The following MYOM1 variants were observed in gnomAD, a reference collection of about 807,000 sequenced individuals.
MYOM1 encodes the protein myomesin-1.
A neutral mutation model predicts 205.3 loss-of-function variants in MYOM1; 164 were observed. The observed-to-expected ratio is 0.80, with a 90% CI of 0.70 to 0.91. MYOM1 has a LOEUF of 0.91. Among genes scored for constraint, MYOM1 ranks in the 40% least tolerant of loss-of-function variants. MYOM1 has a pLI of 0.00. For synonymous variants in MYOM1, 772 were observed against 789.4 expected (o/e 0.98, Z 0.37); for missense variants, 2,011 against 2,127.3 (o/e 0.95, Z 1.08).
chr18:3,086,000 G>A (rs1308569207), intron 30 of MYOM1, 38 bp downstream of exon 30: 1 of 1,302,092 alleles, frequency 7.7e-7, no homozygotes, highest in South Asian at 1.2e-5. Flanking sequence ...AGAGGGTAGA[G>A]AGCTAATATA....
intron 36 of MYOM1, among the ~76,000 whole-genome samples, chr18:3,074,128 A>C (rs1349656002): frequency 1.3e-5 from 2 of 152,230 alleles, no homozygotes; most frequent in Non-Finnish European, 2.9e-5. Context: ...GAATCTGGAA[A>C]GACAGAAAAC....
chr18:3,151,962 C>A, intron 11 of MYOM1, 69 bp from the exon 12 acceptor site: 1 of 1,454,036 alleles, frequency 6.9e-7, no homozygotes, highest in Non-Finnish European at 9.4e-7. Context: ...TCCAGAGCTG[C>A]AGAATCACCC....
At chr18:3,126,659 C>A in intron 19 of MYOM1, 42 bp downstream of exon 19, 1 of 1,568,100 alleles carries the variant, frequency 6.4e-7, no homozygotes. Flanking sequence ...AGCATAGCGT[C>A]ATACATAGGA....
intron 31 of MYOM1, 112 bp from the exon 32 acceptor site, chr18:3,084,139 A>G (rs2079122561): frequency 2.6e-6 from 3 of 1,173,358 alleles, no homozygotes; most frequent in Non-Finnish European, 2.5e-6. Flanking sequence ...GGAAATGGAA[A>G]CAAGGTGAAT....
chr18:3,164,021 C>CAA (rs1555625522), intron 10 of MYOM1, among the ~76,000 whole-genome samples: 1,810 of 118,760 alleles, frequency 0.015, 41 homozygotes, highest in African/African-American at 0.052. Flanking sequence ...CCCAGCTAAT[C>CAA]AAAAAAATTT....
intron 10 of MYOM1, among the ~76,000 whole-genome samples, chr18:3,155,927 A>G (rs2080295425): frequency 6.6e-6 from 1 of 152,224 alleles, no homozygotes; most frequent in Non-Finnish European, 1.5e-5. Context: ...ACACTTAGGA[A>G]AAGAACTCCA....
intron 2 of MYOM1, among the ~76,000 whole-genome samples, chr18:3,195,144 T>C (rs977519625): frequency 6.6e-6 from 1 of 152,140 alleles, no homozygotes; most frequent in Non-Finnish European, 1.5e-5. Context: ...TGGTACAAAA[T>C]GGATATATGA....
the MYOM1 span, among the ~76,000 whole-genome samples, chr18:3,228,361 A>G: frequency 1.3e-5 from 2 of 152,208 alleles, no homozygotes; most frequent in African/African-American, 2.4e-5. The surrounding 1 kb of genome is among the most constrained non-coding windows in gnomAD (Gnocchi z 4.5). Flanking sequence ...TCTGTCTTCA[A>G]AGGCTGTTCA....
intron 2 of MYOM1, among the ~76,000 whole-genome samples, chr18:3,195,734 G>A (rs571848553): frequency 6.6e-6 from 1 of 151,998 alleles, no homozygotes; most frequent in East Asian, 1.9e-4. Context: ...TCATTGCATT[G>A]CTCCTTTTTC....
chr18:3,098,964 T>A (rs1174619635), intron 25 of MYOM1, among the ~76,000 whole-genome samples: 3 of 152,186 alleles, frequency 2.0e-5, no homozygotes, highest in Admixed American at 2.0e-4. Flanking sequence ...GGTTAGTTTT[T>A]GTTTTTAGAG....
At chr18:3,105,362 A>G (rs77619381) in intron 22 of MYOM1, among the ~76,000 whole-genome samples, 3,099 of 152,338 alleles carry the variant, frequency 0.02, 65 homozygotes, top group Non-Finnish European at 0.028. Flanking sequence ...ACTGCATCCA[A>G]GAAGGATGAA....
chr18:3,083,880 C>A lies in MYOM1; in HGVS notation c.4393G>T (p.Asp1465Tyr). 5.7e-6 allele frequency: 9 copies of A among 1,581,098 alleles called. No individual in the cohort carries two copies. The highest frequency in any genetic ancestry group is 6.9e-6 in the Non-Finnish European group (8 of 1,162,018). Residue 1465 changes from aspartate (D) to tyrosine (Y), a missense_variant, in exon 33 of 38, where the codon GAC (aspartate) becomes TAC (tyrosine). Coordinates refer to ENST00000356443, the MANE Select transcript of MYOM1 (RefSeq NM_003803.4). ...VCKKIALSAT[D>Y]LKIQSTAEGI... ...TCGGCTGTGCTCTGGATTTTCAGGTCTGTAGCAGACAAAGCTGAAAGAAGA... is the reference window on the plus strand; with the variant it reads ...TCGGCTGTGCTCTGGATTTTCAGGTATGTAGCAGACAAAGCTGAAAGAAGA...
In MYOM1 at chr18:3,129,496, A is replaced by T; in HGVS notation, c.2530T>A (p.Cys844Ser). 6.2e-7 allele frequency: 1 copy of T among 1,613,264 alleles called. No individual in the cohort carries two copies. Among genetic ancestry groups the T allele is most frequent in the Non-Finnish European group, 8.5e-7 (1 of 1,179,488 alleles). ...AIGGGVSPDV[C>S]PALSDEPGGL... ...CCAGGCTCATCGCTCAGTGCGGGACACACATCTGGAGACACTCCTCCCCCT... is the reference window on the plus strand; with the variant it reads ...CCAGGCTCATCGCTCAGTGCGGGACTCACATCTGGAGACACTCCTCCCCCT... The change falls in exon 18 of 38, where the codon TGT becomes AGT. Residue 844 changes from cysteine (C) to serine (S), a missense_variant. Coordinates refer to ENST00000356443, the MANE Select transcript of MYOM1 (RefSeq NM_003803.4).
intron 8 of MYOM1, among the ~76,000 whole-genome samples, chr18:3,170,055 G>A (rs1049340359): frequency 6.6e-6 from 1 of 152,162 alleles, no homozygotes. Flanking sequence ...CAGAAGAACC[G>A]ATATCATGTG....
upstream of MYOM1, among the ~76,000 whole-genome samples, chr18:3,223,921 G>T (rs554046293): frequency 6.6e-6 from 1 of 152,292 alleles, no homozygotes; most frequent in East Asian, 1.9e-4. Flanking sequence ...CAGCGGTGAG[G>T]GTGCGAGTGG....
At chr18:3,154,333 A>C (rs2144003124) in intron 11 of MYOM1, among the ~76,000 whole-genome samples, 1 of 152,190 alleles carries the variant, frequency 6.6e-6, no homozygotes, top group Middle Eastern at 3.4e-3. Context: ...ATTCCAAAAA[A>C]GAATTTTTTG....
chr18:3,115,034 C>A (rs1282339051), intron 21 of MYOM1, among the ~76,000 whole-genome samples: 4 of 151,970 alleles, frequency 2.6e-5, no homozygotes, highest in Non-Finnish European at 5.9e-5. Flanking sequence ...TTGGCATCCT[C>A]TACAGTGGCA....
chr18:3,067,522 G>T lies in MYOM1; in HGVS notation c.4798C>A (p.Pro1600Thr), dbSNP rs2078911058. The change falls in exon 38 of 38, where the codon CCG (proline) becomes ACG (threonine). Residue 1600 changes from proline (P) to threonine (T), a missense_variant. Physicochemically the swap from Pro to Thr is conservative, Grantham distance 38. Transcript: ENST00000356443. Reference protein sequence around the residue: ...LNLTCNVWGDPPPEVSWLKNE... With the variant: ...LNLTCNVWGDTPPEVSWLKNE... ...TTCAACCACGACACCTCCGGAGGCG[G>T]GTCTCCCCACACGTTGCAAGTGAGA... 1.2e-6 allele frequency: 2 copies of T among 1,613,620 alleles called. No individual in the cohort carries two copies. The highest frequency in any genetic ancestry group is 1.3e-5 in the African/African-American group (1 of 74,910).
chr18:3,215,128 C>T lies in MYOM1; in HGVS notation c.96G>A (p.Glu32=), dbSNP rs1267242153. ...GGGTGTAGACGGCGGAGCGTTTCTT[C>T]TCCCGCTGGTAGTGACTCACGGTGC... ...VRSTVSHYQR[E]KKRSAVYTQG... is the part of the protein sequence containing the mutation. The change falls in exon 2 of 38, where the codon GAG becomes GAA. Residue 32 remains glutamate (E), a synonymous_variant. Transcript: ENST00000356443. The T allele has an allele frequency of 6.2e-7, 1 of 1,613,838 alleles. No individual in the cohort carries two copies. The highest frequency in any genetic ancestry group is 8.5e-7 in the Non-Finnish European group (1 of 1,179,850).
Sources: allele counts gnomAD v4.1 joint callset (sites outside exome capture counted in the v4.1 genomes callset), GRCh38; gene constraint gnomAD v4.1.1; non-coding constraint Gnocchi (gnomAD v3.1); transcripts MANE v1.5; gene names NCBI Gene and HGNC (gene_info 2026-07-23, HGNC 2026-07-21).